RELN: variants seen among roughly 807,000 people sequenced by gnomAD.
The protein encoded by RELN is reelin.
RELN carries 108 observed loss-of-function variants against 427.6 expected under a neutral mutation model. That is an observed-to-expected ratio of 0.25 (90% CI 0.22 to 0.30). The LOEUF is 0.30. Among genes scored for constraint, RELN ranks in the 10% least tolerant of loss-of-function variants. RELN has a pLI of 1.00. For synonymous variants in RELN, 1,524 were observed against 1,513.4 expected, an observed-to-expected ratio of 1.01 and a Z score of -0.16; for missense variants, 3,715 against 4,302.8, an observed-to-expected ratio of 0.86 and a Z score of 3.82.
intron 3 of RELN, among the ~76,000 whole-genome samples, chr7:103,811,166 G>A (rs1452216825): frequency 6.6e-6 from 1 of 152,228 alleles, no homozygotes; most frequent in South Asian, 2.1e-4. Context: ...AAATGATGTA[G>A]CTGTTTGTTT....
chr7:103,609,623 C>T (rs1831901242), intron 22 of RELN, among the ~76,000 whole-genome samples: 1 of 152,188 alleles, frequency 6.6e-6, no homozygotes. Flanking sequence ...CATAATAATG[C>T]ATCCTTCAAA....
At chr7:103,658,905 A>AC (rs987052648) in intron 12 of RELN, among the ~76,000 whole-genome samples, 1 of 151,470 alleles carries the variant, frequency 6.6e-6, no homozygotes, top group African/African-American at 2.4e-5. Context: ...CTCCAATGAC[A>AC]CCTTCCACCC....
intron 25 of RELN, among the ~76,000 whole-genome samples, chr7:103,594,741 T>A (rs932368134): frequency 2.6e-5 from 4 of 152,294 alleles, no homozygotes; most frequent in Middle Eastern, 3.4e-3. Context: ...TTCAACTGAG[T>A]TTGATTCATT....
intron 2 of RELN, among the ~76,000 whole-genome samples, chr7:103,893,290 G>C (rs558968221): frequency 6.6e-6 from 1 of 152,176 alleles, no homozygotes; most frequent in East Asian, 1.9e-4. Flanking sequence ...TCCAGGCTAG[G>C]ACTTGTCTCT....
In RELN at chr7:103,953,049, T is replaced by C. The variant is rs1796364754; in HGVS notation, c.227-35864A>G. 6.6e-6 allele frequency among the ~76,000 whole-genome samples: 1 copy of C among 152,150 alleles called. No homozygotes were observed. Among genetic ancestry groups the C allele is most frequent in the Admixed American group, 6.5e-5 (1 of 15,268 alleles). ...CACCTCCCAATGTGCCTTATGATGG[T>C]GACTAGCCACCAACGTCTGGTTTCT... On this transcript the variant is annotated intron_variant, in intron 1 of 64. Transcript: ENST00000428762. This position sits in a 1 kb window ranked among gnomAD's most constrained non-coding sequence, Gnocchi z 4.3.
chr7:103,765,973 G>C (rs1363829204), intron 4 of RELN, among the ~76,000 whole-genome samples: 1 of 152,186 alleles, frequency 6.6e-6, no homozygotes, highest in African/African-American at 2.4e-5. Flanking sequence ...CCCACCTCCA[G>C]AGTCAGTAGC....
intron 53 of RELN, among the ~76,000 whole-genome samples, chr7:103,499,733 T>C (rs1828961124): frequency 6.6e-6 from 1 of 152,230 alleles, no homozygotes; most frequent in Admixed American, 6.5e-5. Context: ...AAGAAATGCA[T>C]GGTTAACCAC....
chr7:103,820,503 T>C (rs746901216), intron 3 of RELN, among the ~76,000 whole-genome samples: 3 of 151,334 alleles, frequency 2.0e-5, no homozygotes, highest in Non-Finnish European at 4.4e-5. Flanking sequence ...CCAAATATCC[T>C]ATGTGAGTAT....
chr7:103,651,686 C>G lies in RELN; in HGVS notation c.1867G>C (p.Val623Leu). 1 of 1,611,902 alleles carries G rather than the reference C, an allele frequency of 6.2e-7. No homozygotes were observed. Among genetic ancestry groups the G allele is most frequent in the Non-Finnish European group, 8.5e-7 (1 of 1,178,582 alleles). The change falls in exon 15 of 65, where the codon GTC becomes CTC. Residue 623 changes from valine (V) to leucine (L), a missense_variant. Around this residue, in one of 4 missense-constraint regions of RELN, gnomAD observed 2,208 missense variants for 2,361.7 expected, o/e 0.93. Coordinates refer to ENST00000428762, the MANE Select transcript of RELN (RefSeq NM_005045.4). ...CAGPHLPHST[V>L]YSSENYSGWN... ...CCACTGTAGTTTTCAGAGGAGTAGA[C>G]AGTGCTGTGGGGGAGGTGGGGTCCA...
chr7:103,910,398 C>A (rs553567105), intron 2 of RELN, among the ~76,000 whole-genome samples: 1 of 151,348 alleles, frequency 6.6e-6, no homozygotes, highest in Non-Finnish European at 1.5e-5. Context: ...ATTGAATACC[C>A]TTTATTTCCT....
chr7:103,868,559 C>T lies in RELN; in HGVS notation c.338-34887G>A, dbSNP rs540773602. Among the ~76,000 whole-genome samples the T allele has an allele frequency of 2.6e-5, 4 of 152,128 alleles. No homozygotes were observed. In the East Asian group the frequency reaches 7.8e-4, roughly 30 times the overall value. On this transcript the variant is annotated intron_variant, in intron 2 of 64. Coordinates refer to ENST00000428762, the MANE Select transcript of RELN (RefSeq NM_005045.4). ...CCCAGAATTTAGTGCTAGGGAAAGT[C>T]TGTCCATCCAGATCACCCTCCATAA...
chr7:103,865,211 T>C (rs776277260), intron 2 of RELN, among the ~76,000 whole-genome samples: 4 of 124,386 alleles, frequency 3.2e-5, no homozygotes, highest in Non-Finnish European at 5.2e-5. Context: ...CATGAAAAAA[T>C]AGGAAATTTG....
intron 3 of RELN, among the ~76,000 whole-genome samples, chr7:103,832,144 T>A (rs138675417): frequency 1.3e-5 from 2 of 152,166 alleles, no homozygotes; most frequent in Admixed American, 6.6e-5. Flanking sequence ...GACACTGAAC[T>A]GTTTGTCATC....
At chr7:103,928,462 T>C (rs1795791664) in intron 1 of RELN, among the ~76,000 whole-genome samples, 1 of 152,220 alleles carries the variant, frequency 6.6e-6, no homozygotes, top group Non-Finnish European at 1.5e-5. Flanking sequence ...TATTTAACAA[T>C]GTCCATCTAG....
At chr7:103,539,029 A>C in intron 45 of RELN, 49 bp downstream of exon 45, 1 of 1,609,748 alleles carries the variant, frequency 6.2e-7, no homozygotes, top group Non-Finnish European at 8.5e-7. Context: ...GCAGCCACAG[A>C]AGCTCATGCC....
At chr7:103,893,844 A>C (rs1478794301) in intron 2 of RELN, among the ~76,000 whole-genome samples, 2 of 152,182 alleles carry the variant, frequency 1.3e-5, no homozygotes, top group South Asian at 4.1e-4. Context: ...ACTAAGATAG[A>C]GTAATGTGTA....
chr7:103,906,098 G>A (rs932168988), intron 2 of RELN, among the ~76,000 whole-genome samples: 2 of 152,116 alleles, frequency 1.3e-5, no homozygotes, highest in African/African-American at 4.8e-5. Flanking sequence ...GGGAGTAGGT[G>A]TCTGGAAAAG....
intron 10 of RELN, among the ~76,000 whole-genome samples, chr7:103,685,274 C>G (rs575410416): frequency 6.6e-6 from 1 of 152,070 alleles, no homozygotes; most frequent in African/African-American, 2.4e-5. Flanking sequence ...AACACCTATT[C>G]GAACTCCTAT....
chr7:103,750,887 A>G (rs952228147), intron 5 of RELN, among the ~76,000 whole-genome samples: 6 of 152,184 alleles, frequency 3.9e-5, no homozygotes, highest in Non-Finnish European at 5.9e-5. Context: ...TATATTGAAT[A>G]CCTATTTTTA....
Sources: gnomAD v4.1 joint callset for allele counts (sites outside exome capture counted in the v4.1 genomes callset) on GRCh38, gnomAD v4.1.1 for gene constraint, gnomAD v4.1.1 regional missense constraint, Gnocchi (gnomAD v3.1) non-coding constraint, MANE v1.5 for transcripts, NCBI Gene and HGNC (gene_info 2026-07-23, HGNC 2026-07-21) for gene names.